The following HCN1 variants were observed in gnomAD, a reference collection of about 807,000 sequenced individuals.
The protein encoded by HCN1 is hyperpolarization activated cyclic nucleotide gated potassium channel 1, also known as potassium/sodium hyperpolarization-activated cyclic nucleotide-gated channel 1.
HCN1 carries 13 observed loss-of-function variants against 78.9 expected under a neutral mutation model. The observed-to-expected ratio is 0.16, with a 90% CI of 0.11 to 0.26. The LOEUF (loss-of-function observed/expected upper bound fraction) is 0.26, where lower values mean the gene tolerates loss of function less well. Ranked by LOEUF, HCN1 falls within the 10% of genes least tolerant of loss-of-function variation. The probability of loss-of-function intolerance (pLI) is 1.00; values close to 1 mark genes in which losing one functional copy is unlikely to be tolerated. For missense variants in HCN1, 810 were observed against 1,154.3 expected, an observed-to-expected ratio of 0.70 and a Z score of 4.32; for synonymous variants, 552 against 455.5, an observed-to-expected ratio of 1.21 and a Z score of -2.70.
intron 2 of HCN1, chr5:45,557,827 A>G (rs887067066): frequency 6.6e-6 from 1 of 152,088 alleles, no homozygotes; most frequent in Non-Finnish European, 1.5e-5. Context: ...TGCTGCACCA[A>G]CTGGCCATTG....
At chr5:45,324,829 G>GA (rs1264173641) in intron 5 of HCN1, among the ~76,000 whole-genome samples, 3 of 151,332 alleles carry the variant, frequency 2.0e-5, no homozygotes, top group Non-Finnish European at 4.4e-5. Flanking sequence ...CGAAATTTGT[G>GA]AAAAAAAATT....
chr5:45,369,667 A>G (rs1179557116), intron 4 of HCN1, among the ~76,000 whole-genome samples: 3 of 152,142 alleles, frequency 2.0e-5, no homozygotes, highest in Non-Finnish European at 4.4e-5. Flanking sequence ...CAGATTATAG[A>G]AAATCCTGTA....
chr5:45,657,652 A>G (rs1745800940), intron 1 of HCN1, among the ~76,000 whole-genome samples: 1 of 152,238 alleles, frequency 6.6e-6, no homozygotes, highest in Non-Finnish European at 1.5e-5. Flanking sequence ...TGCTTCAAAG[A>G]GAATAAAATA....
At chr5:45,567,632 TG>T (rs1217767287) in intron 2 of HCN1, among the ~76,000 whole-genome samples, 2 of 144,092 alleles carry the variant, frequency 1.4e-5, no homozygotes, top group Admixed American at 7.1e-5. Context: ...AAAAACATGG[TG>T]GCATGAAAAA....
intron 6 of HCN1, among the ~76,000 whole-genome samples, chr5:45,296,052 C>T (rs1011863912): frequency 1.3e-5 from 2 of 151,948 alleles, no homozygotes; most frequent in African/African-American, 4.8e-5. Flanking sequence ...TTCTGGTACC[C>T]TTGAGGTCCA....
intron 2 of HCN1, among the ~76,000 whole-genome samples, chr5:45,478,644 C>A (rs1195602860): frequency 6.6e-6 from 1 of 152,158 alleles, no homozygotes; most frequent in Non-Finnish European, 1.5e-5. Flanking sequence ...GCATGTCTGG[C>A]ATATTCAAAA....
chr5:45,364,597 G>C (rs140345396), intron 4 of HCN1, among the ~76,000 whole-genome samples: 4 of 151,960 alleles, frequency 2.6e-5, no homozygotes, highest in South Asian at 2.1e-4. Flanking sequence ...CTGCAGCCTA[G>C]GCTACAGACT....
intron 2 of HCN1, among the ~76,000 whole-genome samples, chr5:45,580,175 T>C (rs895351191): frequency 1.3e-5 from 2 of 152,102 alleles, no homozygotes; most frequent in Non-Finnish European, 2.9e-5. Context: ...ATTAAGGTTG[T>C]GGAGGTAATT....
Position 45,295,686 on chromosome 5 carries a change from G to T in HCN1, c.1618+7913C>A, listed in dbSNP as rs374273442. 2.4e-4 allele frequency among the ~76,000 whole-genome samples: 36 copies of T among 152,052 alleles called. No homozygotes were observed. The East Asian group carries it at 4.7e-3, about 20-fold the overall frequency. On this transcript the variant is annotated intron_variant, in intron 6 of 7. Transcript: ENST00000303230. ...CTATTCTGCCCTCCATTTTGTTGGG[G>T]TTTAATGTTTGGTGAACTGATTATG...
At chr5:45,337,459 C>A (rs1054276358) in intron 5 of HCN1, among the ~76,000 whole-genome samples, 2 of 152,106 alleles carry the variant, frequency 1.3e-5, no homozygotes, top group Non-Finnish European at 2.9e-5. Context: ...TAAGCACAAG[C>A]ACTACTGTTC....
At chr5:45,401,497 T>C (rs1739803432) in intron 3 of HCN1, among the ~76,000 whole-genome samples, 1 of 152,154 alleles carries the variant, frequency 6.6e-6, no homozygotes, top group African/African-American at 2.4e-5. Flanking sequence ...AATTAGTTTA[T>C]GTAGGAAAAT....
intron 3 of HCN1, among the ~76,000 whole-genome samples, chr5:45,409,723 A>G (rs1579875480): frequency 6.6e-6 from 1 of 151,970 alleles, no homozygotes; most frequent in Non-Finnish European, 1.5e-5. Flanking sequence ...TTTATGGTAG[A>G]CTGACTTTTA....
At chr5:45,606,243 A>C (rs922315177) in intron 2 of HCN1, among the ~76,000 whole-genome samples, 9 of 152,088 alleles carry the variant, frequency 5.9e-5, no homozygotes, top group Non-Finnish European at 1.2e-4. Flanking sequence ...TTTTTGTTTT[A>C]GACAGTATAA....
At chr5:45,528,057 A>G (rs1445792009) in intron 2 of HCN1, among the ~76,000 whole-genome samples, 1 of 151,908 alleles carries the variant, frequency 6.6e-6, no homozygotes, top group African/African-American at 2.4e-5. Context: ...AAGGAGGGTT[A>G]CTCTGGTGTC....
At chr5:45,674,963 TA>T (rs1746236961) in intron 1 of HCN1, among the ~76,000 whole-genome samples, 1 of 151,754 alleles carries the variant, frequency 6.6e-6, no homozygotes, top group South Asian at 2.1e-4. Context: ...TATGCATGCA[TA>T]TATAAGTACT....
At position 45,463,378 on chromosome 5, in the gene HCN1, G is replaced by C. The variant is rs543012349; in HGVS notation, c.850-1371C>G. Among the ~76,000 whole-genome samples, 6 of 151,918 alleles carry C rather than the reference G, an allele frequency of 3.9e-5. No individual in the cohort carries two copies. The South Asian group carries it at 6.2e-4, about 16-fold the overall frequency. On this transcript the variant is annotated intron_variant, in intron 2 of 7. Coordinates refer to ENST00000303230, the MANE Select transcript of HCN1 (RefSeq NM_021072.4). ...TTCTTTAAACAATCTTTTTGACATA[G>C]TAATTATAGTGAGCAAAAAGATTTT...
intron 2 of HCN1, among the ~76,000 whole-genome samples, chr5:45,562,860 G>T (rs1743633279): frequency 6.6e-6 from 1 of 152,158 alleles, no homozygotes; most frequent in African/African-American, 2.4e-5. Context: ...TTTGTTCTCA[G>T]AATGGACGAA....
intron 7 of HCN1, 83 bp downstream of exon 7, chr5:45,267,006 A>C: frequency 8.6e-7 from 1 of 1,168,540 alleles, no homozygotes; most frequent in South Asian, 1.2e-5. Flanking sequence ...ACCACTCCCC[A>C]CTGCATTTGG....
chr5:45,289,839 C>A (rs1360034597), intron 6 of HCN1, among the ~76,000 whole-genome samples: 1 of 151,962 alleles, frequency 6.6e-6, no homozygotes, highest in Non-Finnish European at 1.5e-5. Flanking sequence ...GATCAGGGTG[C>A]CAGCATGGTC....
Sources: gnomAD v4.1 joint callset for allele counts (sites outside exome capture counted in the v4.1 genomes callset) on GRCh38, gnomAD v4.1.1 for gene constraint, MANE v1.5 for transcripts, NCBI Gene and HGNC (gene_info 2026-07-23, HGNC 2026-07-21) for gene names.